The following ZNF571 variants were observed in gnomAD, a reference collection of about 807,000 sequenced individuals.
ZNF571 encodes zinc finger protein 571.
A neutral mutation model predicts 7.7 loss-of-function variants in ZNF571; 4 were observed. The observed-to-expected ratio is 0.52, with a 90% confidence interval of 0.25 to 1.18. The LOEUF is 1.18. ZNF571 is among the 50% of genes most tolerant of loss of function. The pLI, the probability that ZNF571 is intolerant of heterozygous loss-of-function variation, is 0.14. For missense variants in ZNF571, 704 were observed against 726.9 expected (o/e 0.97, Z 0.36); for synonymous variants, 251 against 232.4 (o/e 1.08, Z -0.73).
intron 1 of ZNF571, among the ~76,000 whole-genome samples, chr19:37,593,390 G>C (rs916462532): frequency 6.6e-6 from 1 of 152,122 alleles, no homozygotes; most frequent in Non-Finnish European, 1.5e-5. Flanking sequence ...CCCCCAGAAA[G>C]TACAGTTATT....
At position 37,569,382 on chromosome 19, in the gene ZNF571, T is replaced by C. The variant is rs2042980219; in HGVS notation, c.137-3091A>G. Among the ~76,000 whole-genome samples the C allele has an allele frequency of 6.6e-6, 1 of 152,198 alleles. No individual in the cohort carries two copies. The highest frequency in any genetic ancestry group is 1.5e-5 in the Non-Finnish European group (1 of 68,036). On this transcript the variant is annotated intron_variant, in intron 3 of 3. Coordinates refer to ENST00000451802, the MANE Select transcript of ZNF571 (RefSeq NM_016536.5). The surrounding 1 kb of genome is among the most constrained non-coding windows in gnomAD (Gnocchi z 4.4). The stretch of plus-strand genomic sequence containing the variant: ...ACATTATGTCACCATCTTAAGATTT[T>C]TCAATAGCCTGCAAAAATTGGAGGG...
chr19:37,589,672 C>A (rs1454703013), intron 1 of ZNF571, among the ~76,000 whole-genome samples: 1 of 151,738 alleles, frequency 6.6e-6, no homozygotes, highest in Non-Finnish European at 1.5e-5. Flanking sequence ...ACTGAAGGTG[C>A]TGGCCAATGA....
chr19:37,587,306 C>T (rs1475472685), intron 1 of ZNF571: 2 of 152,252 alleles, frequency 1.3e-5, no homozygotes, highest in Non-Finnish European at 2.9e-5. Context: ...ACACCTCCTC[C>T]CTTACTGCAG....
rs1402676936 is a variant in ZNF571, at chr19:37,569,319, C to T, written c.137-3028G>A. The stretch of plus-strand genomic sequence containing the variant: ...TTATGAGACCCTTTGTTCTAATCTC[C>T]ATCTGGCAGATAGAATGGAATAGTA... On this transcript the variant is annotated intron_variant, in intron 3 of 3. Coordinates refer to ENST00000451802, the MANE Select transcript of ZNF571 (RefSeq NM_016536.5). This position sits in a 1 kb window ranked among gnomAD's most constrained non-coding sequence, Gnocchi z 4.4. Among the ~76,000 whole-genome samples, 4 of 152,138 alleles carry T rather than the reference C, an allele frequency of 2.6e-5. No individual in the cohort carries two copies. Among genetic ancestry groups the T allele is most frequent in the Non-Finnish European group, 5.9e-5 (4 of 68,018 alleles).
intron 3 of ZNF571, 192 bp downstream of exon 3, chr19:37,583,779 A>G: frequency 2.0e-6 from 1 of 508,480 alleles, no homozygotes; most frequent in East Asian, 3.5e-5. Context: ...GAAGGGAGAC[A>G]CTGACAGGAA....
intron 1 of ZNF571, among the ~76,000 whole-genome samples, chr19:37,592,313 G>GCTTCT (rs1478083459): frequency 6.6e-6 from 1 of 152,118 alleles, no homozygotes; most frequent in African/African-American, 2.4e-5. Context: ...TTAGGTCAGT[G>GCTTCT]CTTCTCAATC....
chr19:37,573,307 C>T lies in ZNF571; in HGVS notation c.137-7016G>A, dbSNP rs74404313. 1.9e-3 allele frequency among the ~76,000 whole-genome samples: 292 copies of T among 152,212 alleles called. 1 individual carries two copies. In the East Asian group the frequency reaches 0.027, roughly 14 times the overall value. On this transcript the variant is annotated intron_variant, in intron 3 of 3. Coordinates refer to ENST00000451802, the MANE Select transcript of ZNF571 (RefSeq NM_016536.5). ...TATTATTAACGGCATGATTGTTATA[C>T]TCAAGCATTTGAGAATTCCAAAAAA...
intron 3 of ZNF571, among the ~76,000 whole-genome samples, chr19:37,571,431 G>T (rs1190041992): frequency 6.6e-6 from 1 of 151,372 alleles, no homozygotes; most frequent in Admixed American, 6.6e-5. Context: ...AGGAAGTGGA[G>T]GTTGCAGTGA....
At chr19:37,581,960 A>G (rs940949179) in intron 3 of ZNF571, among the ~76,000 whole-genome samples, 3 of 152,168 alleles carry the variant, frequency 2.0e-5, no homozygotes, top group Admixed American at 6.5e-5. Flanking sequence ...ACATTTTGCC[A>G]TATTTCCTTC....
chr19:37,581,465 TC>T (rs958029257), intron 3 of ZNF571, among the ~76,000 whole-genome samples: 1 of 149,370 alleles, frequency 6.7e-6, no homozygotes, highest in Non-Finnish European at 1.5e-5. Context: ...TTTCTTTCTT[TC>T]TTTTTTTTTT....
At chr19:37,576,533 C>T (rs894340774) in intron 3 of ZNF571, among the ~76,000 whole-genome samples, 3 of 152,156 alleles carry the variant, frequency 2.0e-5, no homozygotes, top group African/African-American at 7.2e-5. Flanking sequence ...CTAAGTTATA[C>T]TAATTTTCCT....
At chr19:37,586,506 G>A (rs985059030) in intron 2 of ZNF571, 162 bp downstream of exon 2, 30 of 722,354 alleles carry the variant, frequency 4.2e-5, no homozygotes, top group Non-Finnish European at 6.9e-5. Flanking sequence ...AAAGCATTGA[G>A]AAGAATTGGG....
At chr19:37,586,401 TTC>T in intron 2 of ZNF571, 2 of 492,702 alleles carry the variant, frequency 4.1e-6, no homozygotes, top group Non-Finnish European at 7.2e-6. Flanking sequence ...AAGGAGGTAT[TTC>T]TGTTCCCTCA....
intron 3 of ZNF571, among the ~76,000 whole-genome samples, chr19:37,579,189 C>T (rs976145265): frequency 2.6e-5 from 4 of 152,190 alleles, no homozygotes; most frequent in African/African-American, 9.7e-5. Context: ...CAACCTGTCC[C>T]ACCTCCCCAC....
chr19:37,591,144 T>C (rs764197822), intron 1 of ZNF571, among the ~76,000 whole-genome samples: 30 of 152,302 alleles, frequency 2.0e-4, no homozygotes, highest in Non-Finnish European at 3.8e-4. Flanking sequence ...ACGACAGCCT[T>C]ATGGCAATGA....
chr19:37,564,867 G>C lies in ZNF571; in HGVS notation c.1561C>G (p.Gln521Glu), dbSNP rs1343471380. The C allele has an allele frequency of 6.2e-7, 1 of 1,614,036 alleles. No individual in the cohort carries two copies. The highest frequency in any genetic ancestry group is 8.5e-7 in the Non-Finnish European group (1 of 1,179,964). Residue 521 changes from glutamine to glutamate, a missense_variant, in exon 4 of 4, where the codon CAG becomes GAG. Transcript: ENST00000451802. Reference sequence around the variant, plus strand: ...GGTTTTTCACCTCTGTGAATTCTCTGATGTTCACTAAGTTGTGAGCCATAA... The same window carrying C: ...GGTTTTTCACCTCTGTGAATTCTCTCATGTTCACTAAGTTGTGAGCCATAA... ...FIYGSQLSEH[Q>E]RIHRGEKPYE...
chr19:37,587,798 C>T (rs1466243975), intron 1 of ZNF571, among the ~76,000 whole-genome samples: 3 of 152,030 alleles, frequency 2.0e-5, no homozygotes, highest in African/African-American at 7.2e-5. Context: ...TTTTCACCTC[C>T]TTTGAGGCAA....
At position 37,565,548 on chromosome 19, in the gene ZNF571, G is replaced by A. The variant is rs765566517; in HGVS notation, c.880C>T (p.Leu294Phe). ...CTATGAATTCTCTGATGGTAAGTAA[G>A]TTGAGAGCCAAGAATAAAGGCCTTC... ...CGKAFILGSQ[L>F]TYHQRIHSGE... is the part of the protein sequence containing the mutation. Residue 294 changes from leucine (L) to phenylalanine (F), a missense_variant, in exon 4 of 4, where the codon CTT becomes TTT. Physicochemically the swap from Leu to Phe is conservative, Grantham distance 22. Transcript: ENST00000451802. 1.2e-6 allele frequency: 2 copies of A among 1,613,030 alleles called. No homozygotes were observed. The highest frequency in any genetic ancestry group is 2.2e-5 in the South Asian group (2 of 91,002).
chr19:37,572,804 C>T (rs1202621017), intron 3 of ZNF571, among the ~76,000 whole-genome samples: 1 of 152,182 alleles, frequency 6.6e-6, no homozygotes, highest in East Asian at 1.9e-4. Flanking sequence ...TACTTACCAA[C>T]TTATTTTTAC....
Sources: allele counts gnomAD v4.1 joint callset (sites outside exome capture counted in the v4.1 genomes callset), GRCh38; gene constraint gnomAD v4.1.1; non-coding constraint Gnocchi (gnomAD v3.1); transcripts MANE v1.5; gene names NCBI Gene and HGNC (gene_info 2026-07-23, HGNC 2026-07-21).